The following ZNF8 variants were observed in gnomAD, a reference collection of about 807,000 sequenced individuals.
ZNF8 encodes zinc finger protein 8.
ZNF8 carries 9 observed loss-of-function variants against 12.2 expected under a neutral mutation model. The observed-to-expected ratio is 0.73, with a 90% CI of 0.44 to 1.28. The LOEUF (loss-of-function observed/expected upper bound fraction) is 1.28, where lower values mean the gene tolerates loss of function less well. ZNF8 is among the 50% of genes most tolerant of loss of function. The pLI, the probability that ZNF8 is intolerant of heterozygous loss-of-function variation, is 0.00. For synonymous variants in ZNF8, 274 were observed against 282.3 expected (o/e 0.97, Z 0.30); for missense variants, 664 against 729.1 (o/e 0.91, Z 1.03).
rs58919160 is a variant in ZNF8, at chr19:58,299,116, ATT to A, written c.*3593_*3594del. On this transcript the variant is annotated 3_prime_UTR_variant, in exon 4 of 4. Coordinates refer to ENST00000621650, the MANE Select transcript of ZNF8 (RefSeq NM_021089.3). ...AGCCAATGCACCCTGCCAAACAGCA[ATT>A]TTTTTTTTTTTTGAGACAGAGTCTC... 4 of 143,112 alleles carry A rather than the reference ATT, an allele frequency of 2.8e-5. No individual in the cohort carries two copies. The highest frequency in any genetic ancestry group is 4.6e-5 in the Non-Finnish European group (3 of 65,100). The allele number at this position is 143,112 out of a possible 1,614,324, so 8.9% of individuals were successfully genotyped here. A position where few individuals can be genotyped will look rare whatever the true frequency, so the allele number is the denominator to read the frequency against.
rs1367817090 is a variant in ZNF8 at position 58,290,110 on chromosome 19, T to TC, written c.289+3905_289+3906insC. Among the ~76,000 whole-genome samples, 5 of 130,564 alleles carry TC rather than the reference T, an allele frequency of 3.8e-5. No homozygotes were observed. The Admixed American group carries it at 3.9e-4, about 10-fold the overall frequency. The allele number at this position is 130,564 out of a possible 152,430, so 85.7% of individuals were successfully genotyped here. A position where few individuals can be genotyped will look rare whatever the true frequency, so the allele number is the denominator to read the frequency against. On this transcript the variant is annotated intron_variant, in intron 3 of 3. Transcript: ENST00000621650. ...CGCGCCTGGCCCATTTCAAGATTCT[T>TC]TTTTTTTTTTTTTTTTTTTTTGAGA... is the stretch of plus-strand genomic sequence containing the variant.
In ZNF8 at chr19:58,279,032, C is replaced by G. The variant is rs2051320715; in HGVS notation, c.-50C>G. ...GGTGGTCCCTTTGGCTGGAGTGCCT[C>G]TCTGGTCTGGGGATCACCTCAGGCG... On this transcript the variant is annotated 5_prime_UTR_variant, in exon 1 of 4. Coordinates refer to ENST00000621650, the MANE Select transcript of ZNF8 (RefSeq NM_021089.3). 1 of 1,365,910 alleles carries G rather than the reference C, an allele frequency of 7.3e-7. No individual in the cohort carries two copies. The highest frequency in any genetic ancestry group is 9.5e-7 in the Non-Finnish European group (1 of 1,050,704). 84.6% of individuals were successfully genotyped at this position (1,365,910 alleles called of 1,614,324 possible).
intron 1 of ZNF8, among the ~76,000 whole-genome samples, chr19:58,283,859 A>C (rs7245768): frequency 6.6e-6 from 1 of 151,592 alleles, no homozygotes; most frequent in African/African-American, 2.4e-5. Context: ...TCGGCCTCCC[A>C]AAGTGCTGGG....
rs1600461026 is a variant in ZNF8, at chr19:58,294,957, C to T, written c.1149C>T (p.Cys383=). 1 of 1,614,138 alleles carries T rather than the reference C, an allele frequency of 6.2e-7. No individual in the cohort carries two copies. The highest frequency in any genetic ancestry group is 1.1e-5 in the South Asian group (1 of 91,090). ...GGAAATCCTTCTCTCGGACCACTTG[C>T]CTTTTCCTGCACCTGAGAACTCACA... is the stretch of plus-strand genomic sequence containing the variant. ...VCGKSFSRTT[C]LFLHLRTHTE... Residue 383 remains cysteine, a synonymous_variant, in exon 4 of 4, where the codon TGC becomes TGT. Coordinates refer to ENST00000621650, the MANE Select transcript of ZNF8 (RefSeq NM_021089.3). This position sits in a 1 kb window ranked among gnomAD's most constrained non-coding sequence, Gnocchi z 5.5.
chr19:58,294,200 C>T lies in ZNF8; in HGVS notation c.392C>T (p.Ala131Val). ...GGAAGGGAAGGATTCCCGACAGATGCTCCTTATCCCACCACGTTAGGGAAA... is the reference window on the plus strand; with the variant it reads ...GGAAGGGAAGGATTCCCGACAGATGTTCCTTATCCCACCACGTTAGGGAAA... ...VTGREGFPTD[A>V]PYPTTLGKDR... The change falls in exon 4 of 4, where the codon GCT becomes GTT. Residue 131 changes from alanine (A) to valine (V), a missense_variant. By Grantham distance (64) the Ala-to-Val change is moderately conservative (BLOSUM62 0). Around this residue, in one of 3 missense-constraint regions of ZNF8, gnomAD observed 306 missense variants for 308.7 expected, o/e 0.99. Coordinates refer to ENST00000621650, the MANE Select transcript of ZNF8 (RefSeq NM_021089.3). This position sits in a 1 kb window ranked among gnomAD's most constrained non-coding sequence, Gnocchi z 5.5. 6.2e-7 allele frequency: 1 copy of T among 1,614,170 alleles called. No individual in the cohort carries two copies. Among genetic ancestry groups the T allele is most frequent in the Admixed American group, 1.7e-5 (1 of 60,022 alleles).
Position 58,294,508 on chromosome 19 carries a change from T to G in ZNF8, c.700T>G (p.Cys234Gly), listed in dbSNP as rs145477083. Reference protein sequence around the residue: ...PGKQPGENSDCHRDSSQAIPI... With the variant: ...PGKQPGENSDGHRDSSQAIPI... ...AAAACAGCCCGGTGAAAACAGTGAC[T>G]GTCACAGAGATTCCAGTCAGGCCAT... Residue 234 changes from cysteine to glycine, a missense_variant, in exon 4 of 4, where the codon TGT becomes GGT. Cys to Gly is a radical substitution (Grantham distance 159). This residue lies in a region of ZNF8 where 306 missense variants were observed against 308.7 expected (regional missense o/e 0.99). Coordinates refer to ENST00000621650, the MANE Select transcript of ZNF8 (RefSeq NM_021089.3). This position sits in a 1 kb window ranked among gnomAD's most constrained non-coding sequence, Gnocchi z 5.5. 2.5e-6 allele frequency: 4 copies of G among 1,614,168 alleles called. No homozygotes were observed. The East Asian group carries it at 8.9e-5, about 36-fold the overall frequency.
chr19:58,288,023 CTTTT>C (rs11285289), intron 3 of ZNF8, among the ~76,000 whole-genome samples: 11 of 135,868 alleles, frequency 8.1e-5, no homozygotes, highest in Non-Finnish European at 1.1e-4. Context: ...TTTGTGTGTC[CTTTT>C]TTTTTTTTTT....
intron 3 of ZNF8, among the ~76,000 whole-genome samples, chr19:58,292,638 C>G (rs2051426782): frequency 6.6e-6 from 1 of 152,202 alleles, no homozygotes. Flanking sequence ...ATGGATTTGC[C>G]TGTTCTAGAT....
intron 1 of ZNF8, among the ~76,000 whole-genome samples, chr19:58,282,617 TTTTAA>T (rs113168380): frequency 0.018 from 2,809 of 152,224 alleles, 83 homozygotes; most frequent in African/African-American, 0.062. Flanking sequence ...TAGCTCTTAC[TTTTAA>T]TTTAATTTAA....
Position 58,295,397 on chromosome 19 carries a change from C to T in ZNF8, c.1589C>T (p.Ala530Val), listed in dbSNP as rs535708860. The T allele has an allele frequency of 1.4e-5, 22 of 1,614,136 alleles. No homozygotes were observed. In the Middle Eastern group the frequency reaches 9.9e-4, roughly 73 times the overall value. Residue 530 changes from alanine to valine, a missense_variant, in exon 4 of 4, where the codon GCA (alanine) becomes GTA (valine). Physicochemically the swap from Ala to Val is moderately conservative, Grantham distance 64 (BLOSUM62 0). Transcript: ENST00000621650. The stretch of plus-strand genomic sequence containing the variant: ...AAGAGCTCTGCAGGCGGAGCAAAGG[C>T]AGGGCAGCCGGAAAGCAGAGCCCTG... ...SRKSSAGGAKAGQPESRALAL... is the reference protein window; with the variant it reads ...SRKSSAGGAKVGQPESRALAL...
intron 1 of ZNF8, among the ~76,000 whole-genome samples, chr19:58,285,349 C>G (rs2051376710): frequency 6.6e-6 from 1 of 152,120 alleles, no homozygotes; most frequent in Non-Finnish European, 1.5e-5. Flanking sequence ...TATTAGTTAG[C>G]TGCTGTGTAA....
rs1257398126 is a variant in ZNF8 at position 58,285,149 on chromosome 19, G to GT, written c.67-561dup. Among the ~76,000 whole-genome samples, 743 of 102,704 alleles carry GT rather than the reference G, an allele frequency of 7.2e-3. 8 individuals carry two copies. Among genetic ancestry groups the GT allele is most frequent in the African/African-American group, 0.024 (697 of 29,244 alleles). The allele number at this position is 102,704 out of a possible 152,430, so 67.4% of individuals were successfully genotyped here. ...TCTTTTCAGGAAGGATGGTGAACCT[G>GT]TTTTTTTGTTTTTTTTTTTTGAGAT... On this transcript the variant is annotated intron_variant, in intron 1 of 3. Transcript: ENST00000621650.
chr19:58,288,002 C>T (rs574924469), intron 3 of ZNF8, among the ~76,000 whole-genome samples: 56 of 135,410 alleles, frequency 4.1e-4, no homozygotes, highest in African/African-American at 1.2e-3. Context: ...CTATGCCTGA[C>T]TTTTTGTTTG....
chr19:58,291,566 G>A (rs887259949), intron 3 of ZNF8, among the ~76,000 whole-genome samples: 4 of 152,198 alleles, frequency 2.6e-5, no homozygotes, highest in Non-Finnish European at 1.5e-5. Context: ...CTGTTCCATG[G>A]ATGTTCCTGA....
At position 58,302,311 on chromosome 19, in the gene ZNF8, G is replaced by C. The variant is rs1163536933; in HGVS notation, c.*6775G>C. 1 of 152,090 alleles carries C rather than the reference G, an allele frequency of 6.6e-6. No homozygotes were observed. The highest frequency in any genetic ancestry group is 1.5e-5 in the Non-Finnish European group (1 of 68,000). 9.4% of individuals were successfully genotyped at this position (152,090 alleles called of 1,614,324 possible). A position where few individuals can be genotyped will look rare whatever the true frequency, so the allele number is the denominator to read the frequency against. ...AAAAGTAAAAAAAAAATGAAAACTT[G>C]TGTAAAATTCCTCATACTTTAGCCA... On this transcript the variant is annotated 3_prime_UTR_variant, in exon 4 of 4. Coordinates refer to ENST00000621650, the MANE Select transcript of ZNF8 (RefSeq NM_021089.3).
chr19:58,295,313 G>C lies in ZNF8; in HGVS notation c.1505G>C (p.Arg502Pro), dbSNP rs750570090. ...EEQPHGRSRRREQSSSRNSHL... is the reference protein window; with the variant it reads ...EEQPHGRSRRPEQSSSRNSHL... ...CAGCCCCATGGGCGAAGCCGGCGGC[G>C]TGAACAATCCTCGAGCAGGAACTCA... The change falls in exon 4 of 4, where the codon CGT becomes CCT. Residue 502 changes from arginine (R) to proline (P), a missense_variant. Physicochemically the swap from Arg to Pro is moderately radical, Grantham distance 103 (BLOSUM62 -2). Coordinates refer to ENST00000621650, the MANE Select transcript of ZNF8 (RefSeq NM_021089.3). 1 of 1,614,208 alleles carries C rather than the reference G, an allele frequency of 6.2e-7. No homozygotes were observed. The highest frequency in any genetic ancestry group is 2.2e-5 in the East Asian group (1 of 44,880).
intron 3 of ZNF8, among the ~76,000 whole-genome samples, chr19:58,289,712 C>T (rs556498314): frequency 2.6e-5 from 4 of 151,998 alleles, no homozygotes; most frequent in Admixed American, 6.6e-5. Context: ...TTATCACAAC[C>T]GCTTCCCTGA....
rs2051457935 is a variant in ZNF8 at position 58,296,720 on chromosome 19, C to G, written c.*1184C>G. ...TTCTTAACTGGTGGTGCTTTTGCCT[C>G]CAGGGCACATTTGGTGACATCTAGG... On this transcript the variant is annotated 3_prime_UTR_variant, in exon 4 of 4. Transcript: ENST00000621650. 1 of 152,266 alleles carries G rather than the reference C, an allele frequency of 6.6e-6. No homozygotes were observed. The allele number at this position is 152,266 out of a possible 1,614,324, so 9.4% of individuals were successfully genotyped here.
rs2051481330 is a variant in ZNF8, at chr19:58,299,908, C to G, written c.*4372C>G. Reference sequence around the variant, plus strand: ...TTGTGGTTCATCTCTAGAGGTTCAACAGGACCCTGTGGATGGCCCAAGTTC... The same window carrying G: ...TTGTGGTTCATCTCTAGAGGTTCAAGAGGACCCTGTGGATGGCCCAAGTTC... On this transcript the variant is annotated 3_prime_UTR_variant, in exon 4 of 4. Transcript: ENST00000621650. 6.6e-6 allele frequency: 1 copy of G among 152,212 alleles called. No individual in the cohort carries two copies. The highest frequency in any genetic ancestry group is 1.9e-4 in the East Asian group (1 of 5,192). The allele number at this position is 152,212 out of a possible 1,614,324, so 9.4% of individuals were successfully genotyped here.
Sources: allele counts gnomAD v4.1 joint callset (sites outside exome capture counted in the v4.1 genomes callset), GRCh38; gene constraint gnomAD v4.1.1; regional missense constraint gnomAD v4.1.1; non-coding constraint Gnocchi (gnomAD v3.1); transcripts MANE v1.5; gene names NCBI Gene and HGNC (gene_info 2026-07-23, HGNC 2026-07-21).